Variants in CHCHD6 observed in about 807,000 individuals in gnomAD.
The protein encoded by CHCHD6 is MICOS complex subunit MIC25.
Under a neutral mutation model 32.3 loss-of-function variants are expected in CHCHD6, and 28 were observed. That is an observed-to-expected ratio of 0.87 (90% CI 0.64 to 1.19). The LOEUF (loss-of-function observed/expected upper bound fraction) is 1.19. Among genes scored for constraint, CHCHD6 ranks in the 50% most tolerant of loss-of-function variants. CHCHD6 has a pLI of 0.00. For missense variants in CHCHD6, 333 were observed against 307.0 expected, an observed-to-expected ratio of 1.08 and a Z score of -0.63; for synonymous variants, 122 against 117.5, an observed-to-expected ratio of 1.04 and a Z score of -0.25.
chr3:126,727,236 G>A (rs757484884), intron 2 of CHCHD6, 50 bp downstream of exon 2: 1 of 1,379,730 alleles, frequency 7.2e-7, no homozygotes, highest in Non-Finnish European at 1.0e-6. Flanking sequence ...AGTGAAAGGA[G>A]TGATGGGTGC....
intron 6 of CHCHD6, among the ~76,000 whole-genome samples, chr3:126,915,047 G>A (rs896810953): frequency 6.6e-6 from 1 of 152,256 alleles, no homozygotes; most frequent in Non-Finnish European, 1.5e-5. Context: ...TCCTTGTGTG[G>A]CTAGCTGAGG....
intron 4 of CHCHD6, among the ~76,000 whole-genome samples, chr3:126,807,045 C>T (rs1364114552): frequency 2.0e-5 from 2 of 98,686 alleles, no homozygotes; most frequent in African/African-American, 8.5e-5. Flanking sequence ...CTGGGGCCTG[C>T]TGTGGGGTGG....
intron 6 of CHCHD6, among the ~76,000 whole-genome samples, chr3:126,952,275 G>C (rs1466563613): frequency 6.6e-6 from 1 of 152,150 alleles, no homozygotes; most frequent in African/African-American, 2.4e-5. Context: ...GGGTGCTCTG[G>C]GTGTGCAGCT....
intron 4 of CHCHD6, among the ~76,000 whole-genome samples, chr3:126,848,258 G>C (rs1323290385): frequency 6.6e-6 from 1 of 152,046 alleles, no homozygotes; most frequent in African/African-American, 2.4e-5. Flanking sequence ...CTACATTCTT[G>C]CTCAAATCTC....
chr3:126,857,391 C>G (rs969463548), intron 5 of CHCHD6, among the ~76,000 whole-genome samples: 3 of 152,202 alleles, frequency 2.0e-5, no homozygotes, highest in African/African-American at 7.2e-5. Flanking sequence ...TCTCCTTTCC[C>G]CAGGATTGAA....
In CHCHD6 at chr3:126,751,166, C is replaced by T. The variant is rs547464079; in HGVS notation, c.411+17944C>T. On this transcript the variant is annotated intron_variant, in intron 4 of 7. Coordinates refer to ENST00000290913, the MANE Select transcript of CHCHD6 (RefSeq NM_032343.3). ...CTGTTATTTTTTTTTTTTCTCTGGGCCTCTGGTTGCACTTCTTTGAAGGCA... is the reference window on the plus strand; with the variant it reads ...CTGTTATTTTTTTTTTTTCTCTGGGTCTCTGGTTGCACTTCTTTGAAGGCA... Among the ~76,000 whole-genome samples the T allele has an allele frequency of 2.0e-5, 3 of 150,686 alleles. No individual in the cohort carries two copies. The South Asian group carries it at 6.3e-4, about 32-fold the overall frequency.
At chr3:126,753,251 A>G (rs1033005512) in intron 4 of CHCHD6, among the ~76,000 whole-genome samples, 6 of 152,160 alleles carry the variant, frequency 3.9e-5, no homozygotes, top group Non-Finnish European at 7.4e-5. Context: ...TGGACTTCCC[A>G]TGGCAAGCAG....
intron 6 of CHCHD6, among the ~76,000 whole-genome samples, chr3:126,915,825 G>C (rs116463116): frequency 0.012 from 1,811 of 152,276 alleles, 19 homozygotes; most frequent in Middle Eastern, 0.048. Flanking sequence ...GGGTCTCACT[G>C]TGTGGGCCCA....
chr3:126,831,326 G>A (rs1230248738), intron 4 of CHCHD6, among the ~76,000 whole-genome samples: 1 of 152,108 alleles, frequency 6.6e-6, no homozygotes, highest in African/African-American at 2.4e-5. Context: ...TACCCGGCCA[G>A]CCCTGCCAGC....
intron 6 of CHCHD6, among the ~76,000 whole-genome samples, chr3:126,938,562 T>G (rs999608980): frequency 6.6e-6 from 1 of 152,206 alleles, no homozygotes; most frequent in Non-Finnish European, 1.5e-5. Context: ...AAATTTCAAT[T>G]TTTTGTGCCA....
intron 5 of CHCHD6, among the ~76,000 whole-genome samples, chr3:126,857,100 C>T (rs564847535): frequency 4.6e-5 from 7 of 152,166 alleles, no homozygotes; most frequent in Non-Finnish European, 8.8e-5. Flanking sequence ...TTTAAGTCTG[C>T]TAAATGCCAG....
intron 1 of CHCHD6, among the ~76,000 whole-genome samples, chr3:126,710,961 A>G (rs1934722635): frequency 6.6e-6 from 1 of 152,164 alleles, no homozygotes; most frequent in African/African-American, 2.4e-5. Context: ...ACAATGCTAA[A>G]TAGAAGCTGT....
intron 7 of CHCHD6, among the ~76,000 whole-genome samples, chr3:126,959,051 AG>A (rs2078825732): frequency 6.6e-6 from 1 of 152,192 alleles, no homozygotes; most frequent in South Asian, 2.1e-4. Flanking sequence ...CTCTCCATCC[AG>A]CCCCACCTCT....
intron 5 of CHCHD6, among the ~76,000 whole-genome samples, chr3:126,871,457 A>G (rs968660477): frequency 6.6e-6 from 1 of 152,042 alleles, no homozygotes; most frequent in African/African-American, 2.4e-5. Flanking sequence ...CCCTTAGGTC[A>G]GGGATTCTCA....
chr3:126,714,111 G>A (rs1271384206), intron 1 of CHCHD6, among the ~76,000 whole-genome samples: 3 of 150,384 alleles, frequency 2.0e-5, no homozygotes, highest in Non-Finnish European at 4.4e-5. Context: ...AAAGTTGGGA[G>A]GCTTTACATA....
chr3:126,742,604 T>C (rs1249108381), intron 4 of CHCHD6, among the ~76,000 whole-genome samples: 3 of 152,034 alleles, frequency 2.0e-5, no homozygotes, highest in African/African-American at 7.3e-5. Context: ...AATTCATGAG[T>C]TGATGGATTA....
rs1485019187 is a variant in CHCHD6 at position 126,734,122 on chromosome 3, T to C, written c.411+900T>C. The stretch of plus-strand genomic sequence containing the variant: ...TCCTAGAAGCTCCTGGCAGAATTCC[T>C]CTTACATCACACTGGCTTGAATTGT... On this transcript the variant is annotated intron_variant, in intron 4 of 7. Transcript: ENST00000290913. 2.0e-5 allele frequency among the ~76,000 whole-genome samples: 3 copies of C among 152,332 alleles called. No individual in the cohort carries two copies. The East Asian group carries it at 5.8e-4, about 29-fold the overall frequency.
intron 4 of CHCHD6, among the ~76,000 whole-genome samples, chr3:126,799,814 C>A (rs972863978): frequency 6.6e-6 from 1 of 152,144 alleles, no homozygotes; most frequent in East Asian, 1.9e-4. Context: ...AAGAAGGCTG[C>A]GCCATCTTGG....
chr3:126,785,477 G>T (rs1186766916), intron 4 of CHCHD6, among the ~76,000 whole-genome samples: 1 of 152,208 alleles, frequency 6.6e-6, no homozygotes, highest in South Asian at 2.1e-4. Flanking sequence ...TCAAGGGAGA[G>T]CATAACACAG....
Sources: allele counts gnomAD v4.1 joint callset (sites outside exome capture counted in the v4.1 genomes callset), GRCh38; gene constraint gnomAD v4.1.1; transcripts MANE v1.5; gene names NCBI Gene and HGNC (gene_info 2026-07-23, HGNC 2026-07-21).